The following PLA2G4A variants were observed in gnomAD, a reference collection of about 807,000 sequenced individuals.
PLA2G4A encodes the protein phospholipase A2 group IVA, also known as cytosolic phospholipase A2.
In PLA2G4A, 40 loss-of-function variants were observed where a neutral mutation model predicts 81.9. The observed-to-expected ratio is 0.49, with a 90% CI of 0.38 to 0.64. PLA2G4A has a LOEUF of 0.64. PLA2G4A is among the 30% of genes least tolerant of loss of function. PLA2G4A has a pLI of 0.00. For synonymous variants in PLA2G4A, 302 were observed against 296.9 expected (o/e 1.02, Z -0.18); for missense variants, 715 against 905.1 (o/e 0.79, Z 2.69).
intron 1 of PLA2G4A, among the ~76,000 whole-genome samples, chr1:186,853,663 G>T (rs1652455281): frequency 6.6e-6 from 1 of 151,768 alleles, no homozygotes; most frequent in Non-Finnish European, 1.5e-5. Context: ...TCATTAAATA[G>T]TTTTTTATTT....
At chr1:186,863,373 G>A (rs1471220792) in intron 2 of PLA2G4A, among the ~76,000 whole-genome samples, 1 of 152,072 alleles carries the variant, frequency 6.6e-6, no homozygotes, top group African/African-American at 2.4e-5. Context: ...TTGACACATA[G>A]TAATTATATA....
intron 15 of PLA2G4A, among the ~76,000 whole-genome samples, chr1:186,970,911 A>C (rs1369290657): frequency 6.6e-6 from 1 of 151,818 alleles, no homozygotes; most frequent in Non-Finnish European, 1.5e-5. Flanking sequence ...GTTCCATATA[A>C]ATTTTAGGAT....
intron 7 of PLA2G4A, among the ~76,000 whole-genome samples, chr1:186,927,697 GTAAT>G (rs1404213552): frequency 6.6e-6 from 1 of 152,188 alleles, no homozygotes; most frequent in Non-Finnish European, 1.5e-5. Flanking sequence ...TGGACCTTAA[GTAAT>G]TAATTCTCCG....
intron 8 of PLA2G4A, 71 bp from the exon 9 acceptor site, chr1:186,938,937 T>G (rs548680082): frequency 1.5e-4 from 121 of 819,518 alleles, no homozygotes; most frequent in Non-Finnish European, 2.2e-4. Flanking sequence ...TTACAGAGTG[T>G]GCCTTCTTTC....
intron 7 of PLA2G4A, among the ~76,000 whole-genome samples, chr1:186,919,514 G>A (rs527840666): frequency 1.2e-4 from 19 of 152,250 alleles, no homozygotes; most frequent in African/African-American, 4.6e-4. Context: ...GGTCGTCCAC[G>A]TACAGGAGCA....
At chr1:186,835,789 C>T (rs569607630) in intron 1 of PLA2G4A, among the ~76,000 whole-genome samples, 1 of 152,236 alleles carries the variant, frequency 6.6e-6, no homozygotes, top group Non-Finnish European at 1.5e-5. Context: ...GCCACTAACC[C>T]ATTTTAGAAA....
chr1:186,925,367 T>G (rs1277154482), intron 7 of PLA2G4A, among the ~76,000 whole-genome samples: 2 of 152,186 alleles, frequency 1.3e-5, no homozygotes, highest in Non-Finnish European at 2.9e-5. Context: ...AGTGAATGTT[T>G]CAAAACAGAA....
At chr1:186,884,394 G>A (rs964147652) in intron 3 of PLA2G4A, among the ~76,000 whole-genome samples, 3 of 151,366 alleles carry the variant, frequency 2.0e-5, no homozygotes, top group Non-Finnish European at 4.4e-5. Flanking sequence ...GGGAAGGATA[G>A]GGATGATTAT....
chr1:186,968,377 T>C (rs1275923930), intron 15 of PLA2G4A, among the ~76,000 whole-genome samples: 3 of 144,920 alleles, frequency 2.1e-5, no homozygotes, highest in Non-Finnish European at 4.5e-5. Context: ...GGTATTTTCT[T>C]CTAGTCTCTT....
At chr1:186,854,683 C>T (rs1237207098) in intron 2 of PLA2G4A, among the ~76,000 whole-genome samples, 3 of 151,808 alleles carry the variant, frequency 2.0e-5, no homozygotes, top group Non-Finnish European at 4.4e-5. Flanking sequence ...CATCAGCCTG[C>T]ATAGTTTACA....
intron 2 of PLA2G4A, among the ~76,000 whole-genome samples, chr1:186,858,222 A>G (rs1571340075): frequency 6.6e-6 from 1 of 152,298 alleles, no homozygotes; most frequent in Non-Finnish European, 1.5e-5. Context: ...CAGTCCCACC[A>G]ACAGTGTAAA....
At position 186,956,247 on chromosome 1, in the gene PLA2G4A, G is replaced by C. The variant is rs745961840; in HGVS notation, c.1482G>C (p.Leu494=). 1.2e-6 allele frequency: 2 copies of C among 1,613,652 alleles called. No homozygotes were observed. The highest frequency in any genetic ancestry group is 1.7e-5 in the Admixed American group (1 of 60,016). The change falls in exon 14 of 18, where the codon CTG becomes CTC. Residue 494 remains leucine (L), a synonymous_variant. Transcript: ENST00000367466. ...CTGGGAAGGTACACAACTTCATGCT[G>C]GGCTTGAATCTCAATACATCTTATC... The part of the protein sequence containing the change: ...GRAGKVHNFM[L]GLNLNTSYPL...
intron 15 of PLA2G4A, among the ~76,000 whole-genome samples, 166 bp from the exon 16 acceptor site, chr1:186,977,427 T>C (rs1490380449): frequency 1.3e-5 from 2 of 152,212 alleles, no homozygotes; most frequent in Non-Finnish European, 2.9e-5. Context: ...TGTTTTCAAT[T>C]TCTTTGAAAT....
chr1:186,948,694 A>G (rs1046499282), intron 12 of PLA2G4A, among the ~76,000 whole-genome samples: 1 of 152,158 alleles, frequency 6.6e-6, no homozygotes, highest in Non-Finnish European at 1.5e-5. Flanking sequence ...AAAGCCAAGG[A>G]AAAGGAGGAG....
intron 13 of PLA2G4A, 54 bp downstream of exon 13, chr1:186,950,782 ACT>A (rs1656532820): frequency 3.3e-6 from 3 of 913,058 alleles, no homozygotes; most frequent in Non-Finnish European, 5.5e-6. Flanking sequence ...GGATATGAAC[ACT>A]CTGTCTGATT....
At chr1:186,919,859 C>T (rs1655282681) in intron 7 of PLA2G4A, among the ~76,000 whole-genome samples, 1 of 152,156 alleles carries the variant, frequency 6.6e-6, no homozygotes, top group Non-Finnish European at 1.5e-5. Flanking sequence ...GCTGGTAGTC[C>T]TTGGTCCCTG....
intron 16 of PLA2G4A, among the ~76,000 whole-genome samples, chr1:186,978,822 G>A (rs1051940644): frequency 1.3e-5 from 2 of 152,218 alleles, no homozygotes; most frequent in Non-Finnish European, 2.9e-5. Context: ...AGGAAATGGG[G>A]AAGTGGTAAA....
intron 1 of PLA2G4A, among the ~76,000 whole-genome samples, chr1:186,830,671 A>C (rs1651521724): frequency 6.6e-6 from 1 of 150,840 alleles, no homozygotes; most frequent in African/African-American, 2.5e-5. Flanking sequence ...TTGCATTTAC[A>C]TTTAATTAGG....
At chr1:186,845,363 C>T (rs879481814) in intron 1 of PLA2G4A, among the ~76,000 whole-genome samples, 12 of 152,048 alleles carry the variant, frequency 7.9e-5, no homozygotes, top group Middle Eastern at 3.4e-3. Context: ...AGGTACTGTG[C>T]TTGGTGATTT....
Sources: gnomAD v4.1 joint callset for allele counts (sites outside exome capture counted in the v4.1 genomes callset) on GRCh38, gnomAD v4.1.1 for gene constraint, MANE v1.5 for transcripts, NCBI Gene and HGNC (gene_info 2026-07-23, HGNC 2026-07-21) for gene names.